The following POU6F2 variants were observed in gnomAD, a reference collection of about 807,000 sequenced individuals.
POU6F2 encodes POU domain, class 6, transcription factor 2.
In POU6F2, 31 loss-of-function variants were observed where a neutral mutation model predicts 71.3. The ratio of observed to expected loss-of-function variants is 0.43; its 90% CI spans 0.33 to 0.59. The LOEUF is 0.59. POU6F2 is among the 20% of genes least tolerant of loss of function. The pLI, the probability that POU6F2 is intolerant of heterozygous loss-of-function variation, is 0.04. For synonymous variants in POU6F2, 347 were observed against 355.7 expected, an observed-to-expected ratio of 0.98 and a Z score of 0.27; for missense variants, 783 against 856.8, an observed-to-expected ratio of 0.91 and a Z score of 1.07.
intron 2 of POU6F2, among the ~76,000 whole-genome samples, chr7:39,202,318 A>G (rs987755592): frequency 6.6e-6 from 1 of 152,208 alleles, no homozygotes; most frequent in East Asian, 1.9e-4. Context: ...TTGGCATGGT[A>G]TAGAAATTTT....
At chr7:39,280,227 A>G (rs1015613523) in intron 4 of POU6F2, among the ~76,000 whole-genome samples, 8 of 152,146 alleles carry the variant, frequency 5.3e-5, no homozygotes. Context: ...ACATATAATA[A>G]ATGCAAAGTT....
At chr7:39,098,031 A>C (rs112625565) in intron 2 of POU6F2, among the ~76,000 whole-genome samples, 8 of 152,338 alleles carry the variant, frequency 5.3e-5, no homozygotes, top group African/African-American at 1.9e-4. Context: ...TGTTTTCGTC[A>C]CAGGGTTTGG....
chr7:39,129,620 G>GATATATAT (rs1157091918), intron 2 of POU6F2, among the ~76,000 whole-genome samples: 13 of 125,594 alleles, frequency 1.0e-4, no homozygotes, highest in African/African-American at 3.4e-4. Flanking sequence ...AGAGACAATA[G>GATATATAT]ATATATAGAT....
intron 6 of POU6F2, among the ~76,000 whole-genome samples, chr7:39,421,167 G>A (rs186849254): frequency 2.6e-5 from 4 of 152,028 alleles, no homozygotes; most frequent in African/African-American, 4.8e-5. Context: ...ACTCATCAGC[G>A]TAATTCTTAT....
intron 4 of POU6F2, among the ~76,000 whole-genome samples, chr7:39,219,835 T>C (rs1314074045): frequency 6.6e-6 from 1 of 152,190 alleles, no homozygotes; most frequent in Non-Finnish European, 1.5e-5. Context: ...GTGGCATTAT[T>C]TTAGAAATTC....
At position 38,989,825 on chromosome 7, in the gene POU6F2, G is replaced by A. The variant is rs201499341; in HGVS notation, c.105+11767G>A. On this transcript the variant is annotated intron_variant, in intron 1 of 9. Transcript: ENST00000518318. ...TTTGTGTGTGTGTGTGTGTGTGTGT[G>A]TTTGTGTGTGTGTGTGTGTGTGGAA... Among the ~76,000 whole-genome samples the A allele has an allele frequency of 1.5e-4, 16 of 108,272 alleles. No homozygotes were observed. The East Asian group carries it at 4.7e-3, about 32-fold the overall frequency. The allele number at this position is 108,272 out of a possible 152,430, so 71.0% of individuals were successfully genotyped here.
chr7:39,181,173 A>T (rs1447037196), intron 2 of POU6F2, among the ~76,000 whole-genome samples: 2 of 152,204 alleles, frequency 1.3e-5, no homozygotes, highest in Admixed American at 1.3e-4. Flanking sequence ...CACCCTACAC[A>T]TGATGGCATC....
chr7:39,051,945 T>TA (rs1790408206), intron 1 of POU6F2, among the ~76,000 whole-genome samples: 1 of 152,096 alleles, frequency 6.6e-6, no homozygotes, highest in Non-Finnish European at 1.5e-5. Flanking sequence ...TAACTATACT[T>TA]ACCATTTGTG....
At chr7:39,305,656 G>C (rs1471710487) in intron 4 of POU6F2, among the ~76,000 whole-genome samples, 4 of 152,210 alleles carry the variant, frequency 2.6e-5, no homozygotes, top group Non-Finnish European at 5.9e-5. Flanking sequence ...GACTTCTGTA[G>C]AGGCTTTTCC....
chr7:39,253,656 C>T (rs1226396882), intron 4 of POU6F2, among the ~76,000 whole-genome samples: 1 of 152,122 alleles, frequency 6.6e-6, no homozygotes, highest in East Asian at 1.9e-4. Flanking sequence ...AAGCTGAAGA[C>T]CCCAGCGTCA....
At chr7:39,442,693 T>C (rs1262596075) in intron 7 of POU6F2, among the ~76,000 whole-genome samples, 1 of 152,224 alleles carries the variant, frequency 6.6e-6, no homozygotes, top group Non-Finnish European at 1.5e-5. Context: ...CCTAGTTTCA[T>C]CTGGTCCAAC....
At chr7:39,072,409 C>T (rs1337100267) in intron 1 of POU6F2, among the ~76,000 whole-genome samples, 1 of 152,112 alleles carries the variant, frequency 6.6e-6, no homozygotes, top group Non-Finnish European at 1.5e-5. Flanking sequence ...AACAATTTGT[C>T]TAAGCAAATT....
intron 2 of POU6F2, among the ~76,000 whole-genome samples, chr7:39,095,174 G>A (rs961295332): frequency 6.6e-6 from 1 of 152,152 alleles, no homozygotes; most frequent in African/African-American, 2.4e-5. Context: ...ATATGTCACT[G>A]TTTTAAGTGT....
chr7:39,345,009 A>G (rs1786001467), intron 5 of POU6F2, among the ~76,000 whole-genome samples: 1 of 152,240 alleles, frequency 6.6e-6, no homozygotes, highest in South Asian at 2.1e-4. Context: ...TCAAAAATTC[A>G]GATAATGTTT....
intron 4 of POU6F2, among the ~76,000 whole-genome samples, chr7:39,266,711 T>C (rs1019783189): frequency 4.0e-5 from 6 of 149,162 alleles, no homozygotes; most frequent in Non-Finnish European, 7.4e-5. Context: ...TTTTTTTTTT[T>C]TTTGAATTGA....
intron 2 of POU6F2, among the ~76,000 whole-genome samples, chr7:39,200,131 C>G (rs543030469): frequency 6.6e-6 from 1 of 152,306 alleles, no homozygotes; most frequent in African/African-American, 2.4e-5. Context: ...AAGGGGATTA[C>G]ACTAGCTGCA....
intron 5 of POU6F2, among the ~76,000 whole-genome samples, chr7:39,374,235 A>T (rs1786667929): frequency 2.0e-5 from 3 of 152,236 alleles, no homozygotes; most frequent in African/African-American, 7.2e-5. Context: ...ATGCATGTAT[A>T]TGTGTCTGTG....
rs1251149689 is a variant in POU6F2 at position 39,186,136 on chromosome 7, A to G, written c.278-18099A>G. ...ATACGTTCCACCTGGCAAGAACTTA[A>G]TAAATATCATGTTGAATGAACAAAT... is the stretch of plus-strand genomic sequence containing the variant. On this transcript the variant is annotated intron_variant, in intron 2 of 9. Transcript: ENST00000518318. Among the ~76,000 whole-genome samples, 3 of 152,156 alleles carry G rather than the reference A, an allele frequency of 2.0e-5. 1 individual carries two copies. In the East Asian group the frequency reaches 5.8e-4, roughly 29 times the overall value.
chr7:39,277,057 A>AT (rs1307153565), intron 4 of POU6F2, among the ~76,000 whole-genome samples: 2 of 152,132 alleles, frequency 1.3e-5, no homozygotes, highest in African/African-American at 4.8e-5. Flanking sequence ...TCTAATAATA[A>AT]TTTTTAAAAA....
Sources: allele counts gnomAD v4.1 joint callset (sites outside exome capture counted in the v4.1 genomes callset), GRCh38; gene constraint gnomAD v4.1.1; transcripts MANE v1.5; gene names NCBI Gene and HGNC (gene_info 2026-07-23, HGNC 2026-07-21).